The following PAQR5 variants were observed in gnomAD, a reference collection of about 807,000 sequenced individuals.
The protein encoded by PAQR5 is membrane progestin receptor gamma.
A neutral mutation model predicts 34.5 loss-of-function variants in PAQR5; 20 were observed. That is an observed-to-expected ratio of 0.58 (90% CI 0.41 to 0.84). PAQR5 has a LOEUF of 0.84. Ranked by LOEUF, PAQR5 falls within the 40% of genes least tolerant of loss-of-function variation. PAQR5 has a pLI of 0.00. For synonymous variants in PAQR5, 131 were observed against 155.6 expected, an observed-to-expected ratio of 0.84 and a Z score of 1.18; for missense variants, 378 against 412.7, an observed-to-expected ratio of 0.92 and a Z score of 0.73.
rs1051149944 is a variant in PAQR5, at chr15:69,305,012, C to T, written c.-277+5956C>T. On this transcript the variant is annotated intron_variant, in intron 1 of 8. Coordinates refer to ENST00000395407, the MANE Select transcript of PAQR5 (RefSeq NM_017705.4). ...GCATAGTGTGACTTTGATCCTGTCA[C>T]TTCCTCTGCCTCAGTTTCCTCTTCT... is the stretch of plus-strand genomic sequence containing the variant. 2.0e-5 allele frequency among the ~76,000 whole-genome samples: 3 copies of T among 152,222 alleles called. No individual in the cohort carries two copies. The East Asian group carries it at 5.8e-4, about 29-fold the overall frequency.
At chr15:69,310,403 G>C (rs1184834836) in intron 1 of PAQR5, among the ~76,000 whole-genome samples, 1 of 152,220 alleles carries the variant, frequency 6.6e-6, no homozygotes, top group Non-Finnish European at 1.5e-5. Context: ...CCCTCCAACA[G>C]AGAGTGTTAC....
chr15:69,386,012 C>T (rs1238118982), intron 5 of PAQR5, among the ~76,000 whole-genome samples: 1 of 150,904 alleles, frequency 6.6e-6, no homozygotes, highest in African/African-American at 2.4e-5. Flanking sequence ...ACTACACTCA[C>T]ATAAACACAC....
chr15:69,333,234 C>T (rs1046077975), intron 1 of PAQR5, among the ~76,000 whole-genome samples: 3 of 151,976 alleles, frequency 2.0e-5, no homozygotes, highest in African/African-American at 7.2e-5. Context: ...CCACGAACCC[C>T]GTTTTGGAAA....
intron 2 of PAQR5, among the ~76,000 whole-genome samples, chr15:69,358,461 A>G (rs2055137177): frequency 6.6e-6 from 1 of 152,002 alleles, no homozygotes; most frequent in Non-Finnish European, 1.5e-5. Flanking sequence ...CTGGACACAG[A>G]CTTAAGATCC....
At position 69,389,708 on chromosome 15, in the gene PAQR5, C is replaced by T; in HGVS notation, c.440C>T (p.Thr147Ile). 1.2e-6 allele frequency: 2 copies of T among 1,614,212 alleles called. No homozygotes were observed. Among genetic ancestry groups the T allele is most frequent in the South Asian group, 1.1e-5 (1 of 91,086 alleles). The change falls in exon 6 of 9, where the codon ACT becomes ATT. Residue 147 changes from threonine (T) to isoleucine (I), a missense_variant. Transcript: ENST00000395407. ...TTCCCGGATGCGCTCATGTGCACCA[C>T]TTTCCATGACTACTACGTGGCCCTG... The part of the protein sequence containing the change: ...YTFPDALMCT[T>I]FHDYYVALAV...
At chr15:69,380,571 G>A (rs2055856168) in intron 4 of PAQR5, among the ~76,000 whole-genome samples, 1 of 152,208 alleles carries the variant, frequency 6.6e-6, no homozygotes, top group Non-Finnish European at 1.5e-5. Context: ...CCAGCTAAGA[G>A]CAAAGCTCTG....
chr15:69,404,410 C>T lies in PAQR5; in HGVS notation c.*588C>T, dbSNP rs761097109. On this transcript the variant is annotated 3_prime_UTR_variant, in exon 9 of 9. Coordinates refer to ENST00000395407, the MANE Select transcript of PAQR5 (RefSeq NM_017705.4). The stretch of plus-strand genomic sequence containing the variant: ...AGGGAGAACAGAAGGGGAGTCCTCT[C>T]TTCCCACAAGTCCATTCTGCCTTCA... The T allele has an allele frequency of 6.6e-6, 1 of 152,556 alleles. No individual in the cohort carries two copies. The highest frequency in any genetic ancestry group is 1.5e-5 in the Non-Finnish European group (1 of 68,284). The allele number at this position is 152,556 out of a possible 1,614,324, so 9.5% of individuals were successfully genotyped here. A position where few individuals can be genotyped will look rare whatever the true frequency, so the allele number is the denominator to read the frequency against.
At chr15:69,352,584 C>T (rs1201188922) in intron 2 of PAQR5, among the ~76,000 whole-genome samples, 2 of 152,206 alleles carry the variant, frequency 1.3e-5, no homozygotes, top group Admixed American at 6.5e-5. Context: ...CCGGGGCCTG[C>T]CGTCCAGATG....
intron 1 of PAQR5, among the ~76,000 whole-genome samples, chr15:69,311,036 C>T (rs1374556003): frequency 2.9e-5 from 1 of 34,216 alleles, no homozygotes; most frequent in African/African-American, 1.5e-4. Flanking sequence ...AAGACTCCGT[C>T]GCAAAAAATA....
At chr15:69,321,980 G>A (rs946175303) in intron 1 of PAQR5, among the ~76,000 whole-genome samples, 1 of 152,112 alleles carries the variant, frequency 6.6e-6, no homozygotes, top group South Asian at 2.1e-4. Context: ...AGAAGTGAGT[G>A]GAAGCTAATT....
At chr15:69,300,937 C>CTCTCTCTCTTTCCT in intron 1 of PAQR5, among the ~76,000 whole-genome samples, 1 of 5,188 alleles carries the variant, frequency 1.9e-4, no homozygotes, top group African/African-American at 2.9e-4. Flanking sequence ...CTCTCTCTCT[C>CTCTCTCTCTTTCCT]TCTTTCTTTC....
At chr15:69,328,049 G>T (rs1055486790) in intron 1 of PAQR5, among the ~76,000 whole-genome samples, 1 of 152,084 alleles carries the variant, frequency 6.6e-6, no homozygotes, top group Non-Finnish European at 1.5e-5. Flanking sequence ...CCAAAGTGCT[G>T]GGATTACAGG....
At chr15:69,325,915 T>C (rs1273760521) in intron 1 of PAQR5, among the ~76,000 whole-genome samples, 2 of 152,174 alleles carry the variant, frequency 1.3e-5, no homozygotes, top group Non-Finnish European at 2.9e-5. Flanking sequence ...TTCTTCTCCC[T>C]TGGGCTCCCC....
intron 1 of PAQR5, among the ~76,000 whole-genome samples, chr15:69,324,470 A>G (rs2054201631): frequency 6.6e-6 from 1 of 152,206 alleles, no homozygotes; most frequent in Non-Finnish European, 1.5e-5. Context: ...ATCCTCATTC[A>G]AGTGATTAGA....
chr15:69,300,064 G>T (rs1302192737), intron 1 of PAQR5, among the ~76,000 whole-genome samples: 1 of 152,038 alleles, frequency 6.6e-6, no homozygotes, highest in South Asian at 2.1e-4. Context: ...GTTTCCCACC[G>T]CATCCTTCCA....
intron 2 of PAQR5, among the ~76,000 whole-genome samples, chr15:69,357,347 T>C (rs2055106819): frequency 6.6e-6 from 1 of 152,148 alleles, no homozygotes; most frequent in Non-Finnish European, 1.5e-5. Flanking sequence ...CACTGCAACC[T>C]CCACCTCCCA....
intron 1 of PAQR5, among the ~76,000 whole-genome samples, chr15:69,309,603 T>C (rs777224192): frequency 6.6e-6 from 1 of 152,126 alleles, no homozygotes; most frequent in Non-Finnish European, 1.5e-5. Flanking sequence ...CCCTCCCTCC[T>C]CAGAGGCAAT....
intron 1 of PAQR5, among the ~76,000 whole-genome samples, chr15:69,319,509 C>T (rs2140587752): frequency 2.0e-5 from 3 of 151,850 alleles, no homozygotes; most frequent in Middle Eastern, 6.8e-3. Flanking sequence ...AGGGTGATCC[C>T]CAGGCAGCAC....
rs565238628 is a variant in PAQR5 at position 69,355,612 on chromosome 15, G to C, written c.-115-4354G>C. ...ATTTTTGTATTTTTAGTAGAAACAG[G>C]GTTTCACCATGTTGGTCAGGCTGGT... On this transcript the variant is annotated intron_variant, in intron 2 of 8. Transcript: ENST00000395407. Among the ~76,000 whole-genome samples, 7 of 151,592 alleles carry C rather than the reference G, an allele frequency of 4.6e-5. No individual in the cohort carries two copies. The South Asian group carries it at 1.5e-3, about 32-fold the overall frequency.
Sources: allele counts gnomAD v4.1 joint callset (sites outside exome capture counted in the v4.1 genomes callset), GRCh38; gene constraint gnomAD v4.1.1; transcripts MANE v1.5; gene names NCBI Gene and HGNC (gene_info 2026-07-23, HGNC 2026-07-21).